PCDHA11: variants seen among roughly 807,000 people sequenced by gnomAD.
The protein encoded by PCDHA11 is protocadherin alpha 11.
A neutral mutation model predicts 70.3 loss-of-function variants in PCDHA11; 61 were observed. The observed-to-expected ratio is 0.87, with a 90% CI of 0.71 to 1.07. The LOEUF (loss-of-function observed/expected upper bound fraction) is 1.07, where lower values mean the gene tolerates loss of function less well. PCDHA11 is among the 50% of genes least tolerant of loss of function. The pLI, the probability that PCDHA11 is intolerant of heterozygous loss-of-function variation, is 0.00. For missense variants in PCDHA11, 1,324 were observed against 1,237.5 expected (o/e 1.07, Z -1.05); for synonymous variants, 633 against 555.1 (o/e 1.14, Z -1.97).
intron 1 of PCDHA11, among the ~76,000 whole-genome samples, chr5:140,944,386 T>C (rs1228891284): frequency 6.6e-6 from 1 of 152,054 alleles, no homozygotes; most frequent in Admixed American, 6.6e-5. Flanking sequence ...GGAGTCTCAC[T>C]GTGTTATCCA....
intron 1 of PCDHA11, among the ~76,000 whole-genome samples, chr5:140,887,146 G>A (rs1160453059): frequency 9.9e-5 from 15 of 151,600 alleles, no homozygotes; most frequent in Non-Finnish European, 2.1e-4. Context: ...GCCCAGGCTG[G>A]AGTACAGTGG....
At chr5:140,958,696 G>A (rs1276859394) in intron 1 of PCDHA11, among the ~76,000 whole-genome samples, 1 of 152,156 alleles carries the variant, frequency 6.6e-6, no homozygotes, top group African/African-American at 2.4e-5. Flanking sequence ...ATATCCTAGA[G>A]TGACAACTCT....
chr5:140,934,569 A>AT (rs1286294364), intron 1 of PCDHA11, among the ~76,000 whole-genome samples: 1 of 152,044 alleles, frequency 6.6e-6, no homozygotes, highest in Admixed American at 6.6e-5. Context: ...TTTTTAATTA[A>AT]TTGTAACATT....
rs527638271 is a variant in PCDHA11, at chr5:140,882,967, G to A, written c.2391+11473G>A. 3.1e-4 allele frequency: 497 copies of A among 1,614,172 alleles called. 6 individuals are homozygous for A. In the South Asian group the frequency reaches 5.0e-3, roughly 16 times the overall value. On this transcript the variant is annotated intron_variant, in intron 1 of 3. Transcript: ENST00000398640. Reference sequence around the variant, plus strand: ...CAGTTCAGCTGCTCATCACGATTCTGGACGTGAATGACAACGCCCCGGAAT... The same window carrying A: ...CAGTTCAGCTGCTCATCACGATTCTAGACGTGAATGACAACGCCCCGGAAT...
chr5:140,884,804 T>A (rs1223470171), intron 1 of PCDHA11: 1 of 1,210,196 alleles, frequency 8.3e-7, no homozygotes, highest in Non-Finnish European at 1.1e-6. Flanking sequence ...ATTTAACAAC[T>A]CTGCTGTGGA....
At chr5:140,937,174 A>G (rs1449263512) in intron 1 of PCDHA11, among the ~76,000 whole-genome samples, 1 of 151,302 alleles carries the variant, frequency 6.6e-6, no homozygotes, top group Non-Finnish European at 1.5e-5. Flanking sequence ...AGTAGCTGGG[A>G]CTACAGGCGC....
At chr5:140,967,085 C>T in intron 1 of PCDHA11, 1 of 1,613,198 alleles carries the variant, frequency 6.2e-7, no homozygotes, top group Non-Finnish European at 8.5e-7. Context: ...GCGCATTGAT[C>T]GGGAGGCGCT....
chr5:140,883,355 A>T (rs763058953), intron 1 of PCDHA11: 2 of 1,614,076 alleles, frequency 1.2e-6, no homozygotes, highest in Admixed American at 3.3e-5. Context: ...CAGAGAAGAC[A>T]CTCAGCCTAG....
intron 1 of PCDHA11, chr5:140,968,554 A>G (rs782240700): frequency 1.9e-6 from 3 of 1,614,162 alleles, no homozygotes; most frequent in Non-Finnish European, 2.5e-6. Context: ...TGGTGCCTCG[A>G]ACTGCCCCTG....
At chr5:140,937,788 T>C (rs2091751340) in intron 1 of PCDHA11, among the ~76,000 whole-genome samples, 1 of 149,320 alleles carries the variant, frequency 6.7e-6, no homozygotes, top group African/African-American at 2.5e-5. Flanking sequence ...GGCGGGCGTA[T>C]GTAGTCCCAG....
chr5:140,945,048 A>G (rs2093731802), intron 1 of PCDHA11, among the ~76,000 whole-genome samples: 1 of 152,182 alleles, frequency 6.6e-6, no homozygotes, highest in South Asian at 2.1e-4. Context: ...GGTCTTATAT[A>G]AAGAAAACCC....
In PCDHA11 at chr5:140,944,201, G is replaced by T. The variant is rs1389405246; in HGVS notation, c.2392-34748G>T. Among the ~76,000 whole-genome samples, 5 of 152,034 alleles carry T rather than the reference G, an allele frequency of 3.3e-5. No homozygotes were observed. In the East Asian group the frequency reaches 9.6e-4, roughly 29 times the overall value. On this transcript the variant is annotated intron_variant, in intron 1 of 3. Coordinates refer to ENST00000398640, the MANE Select transcript of PCDHA11 (RefSeq NM_018902.5). ...TTGTTGGTTTGTTTTGTTTTGTTTT[G>T]TTTTTAAAGAGGGTTTTACTCTGTC...
At position 140,869,476 on chromosome 5, in the gene PCDHA11, G is replaced by C. The variant is rs530490517; in HGVS notation, c.373G>C (p.Asp125His). Residue 125 changes from aspartate to histidine, a missense_variant, in exon 1 of 4, where the codon GAC becomes CAC. Physicochemically the swap from Asp to His is moderately conservative, Grantham distance 81. Coordinates refer to ENST00000398640, the MANE Select transcript of PCDHA11 (RefSeq NM_018902.5). ...QVFHVNVEVK[D>H]INDNPPVFSL... ...TTTCCATGTGAACGTGGAGGTGAAG[G>C]ACATTAACGACAACCCGCCGGTGTT... 4.4e-5 allele frequency: 71 copies of C among 1,614,076 alleles called. No homozygotes were observed. The highest frequency in any genetic ancestry group is 5.9e-5 in the Non-Finnish European group (70 of 1,180,050).
Position 140,871,208 on chromosome 5 carries a change from C to A in PCDHA11, c.2105C>A (p.Ala702Asp), listed in dbSNP as rs782698436. ...LVDVNVYLIIAICVVSSLLVL... is the reference protein window; with the variant it reads ...LVDVNVYLIIDICVVSSLLVL... ...GATGTCAACGTGTACCTGATCATCG[C>A]CATCTGCGTGGTGTCCAGCCTCCTG... The change falls in exon 1 of 4, where the codon GCC becomes GAC. Residue 702 changes from alanine (A) to aspartate (D), a missense_variant. Coordinates refer to ENST00000398640, the MANE Select transcript of PCDHA11 (RefSeq NM_018902.5). 1 of 1,613,802 alleles carries A rather than the reference C, an allele frequency of 6.2e-7. No homozygotes were observed. The highest frequency in any genetic ancestry group is 8.5e-7 in the Non-Finnish European group (1 of 1,179,954).
chr5:141,008,607 C>T (rs782227320), intron 3 of PCDHA11, among the ~76,000 whole-genome samples: 33 of 152,196 alleles, frequency 2.2e-4, no homozygotes, highest in Non-Finnish European at 3.8e-4. Flanking sequence ...CCTCTGGAAC[C>T]CCATTAACTT....
chr5:140,968,371 C>T (rs1554230646), intron 1 of PCDHA11: 3 of 1,614,088 alleles, frequency 1.9e-6, no homozygotes, highest in Non-Finnish European at 2.5e-6. Context: ...ATGCTGTCAA[C>T]TCCTTTGACT....
chr5:140,877,652 C>G (rs1456022709), intron 1 of PCDHA11: 1 of 1,613,520 alleles, frequency 6.2e-7, no homozygotes, highest in Non-Finnish European at 8.5e-7. Context: ...TCAGCGCCGC[C>G]CACCGTGAGC....
rs782489417 is a variant in PCDHA11, at chr5:140,927,802, A to C, written c.2392-51147A>C. 6.2e-6 allele frequency: 10 copies of C among 1,614,148 alleles called. No homozygotes were observed. The East Asian group carries it at 2.0e-4, about 32-fold the overall frequency. On this transcript the variant is annotated intron_variant, in intron 1 of 3. Transcript: ENST00000398640. ...AGCTGCTTCACTAGGTCCGCCTGAA[A>C]CGCTCTTGGAGGCATACATTGAGGC...
chr5:140,905,047 C>A (rs2071568223), intron 1 of PCDHA11, among the ~76,000 whole-genome samples: 1 of 152,076 alleles, frequency 6.6e-6, no homozygotes, highest in Non-Finnish European at 1.5e-5. Context: ...TTAATTAGGT[C>A]CCATTTATTT....
Sources: gnomAD v4.1 joint callset for allele counts (sites outside exome capture counted in the v4.1 genomes callset) on GRCh38, gnomAD v4.1.1 for gene constraint, MANE v1.5 for transcripts, NCBI Gene and HGNC (gene_info 2026-07-23, HGNC 2026-07-21) for gene names.